The following SEMA6D variants were observed in gnomAD, a reference collection of about 807,000 sequenced individuals.
SEMA6D encodes semaphorin 6D, also known as semaphorin-6D.
Under a neutral mutation model 106.6 loss-of-function variants are expected in SEMA6D, and 35 were observed. That is an observed-to-expected ratio of 0.33 (90% CI 0.25 to 0.44). The LOEUF (loss-of-function observed/expected upper bound fraction) is 0.44. SEMA6D is among the 20% of genes least tolerant of loss of function. The pLI is 1.00. For missense variants in SEMA6D, 1,185 were observed against 1,345.9 expected (o/e 0.88, Z 1.87); for synonymous variants, 499 against 487.7 (o/e 1.02, Z -0.31).
intron 1 of SEMA6D, among the ~76,000 whole-genome samples, chr15:47,221,563 A>G (rs187240679): frequency 1.3e-5 from 2 of 152,330 alleles, no homozygotes; most frequent in Admixed American, 6.5e-5. Flanking sequence ...ATAAATTGTG[A>G]ACTTGTGTAG....
chr15:47,622,161 T>C (rs1199166507), intron 4 of SEMA6D, among the ~76,000 whole-genome samples: 1 of 141,246 alleles, frequency 7.1e-6, no homozygotes, highest in African/African-American at 2.7e-5. Context: ...TTTAAATCAG[T>C]GAGTCTTTTG....
At chr15:47,522,622 G>A (rs1272371194) in intron 3 of SEMA6D, among the ~76,000 whole-genome samples, 1 of 152,152 alleles carries the variant, frequency 6.6e-6, no homozygotes, top group Non-Finnish European at 1.5e-5. Context: ...GGCATGAGTG[G>A]TGGTGCCAAC....
chr15:47,668,670 C>T (rs571088854), intron 4 of SEMA6D, among the ~76,000 whole-genome samples: 23 of 152,264 alleles, frequency 1.5e-4, no homozygotes, highest in African/African-American at 4.8e-4. Flanking sequence ...CCTGACCTAG[C>T]GAATGGTCCT....
intron 4 of SEMA6D, among the ~76,000 whole-genome samples, chr15:47,617,996 A>C (rs2077037146): frequency 6.6e-6 from 1 of 152,142 alleles, no homozygotes; most frequent in Admixed American, 6.5e-5. Flanking sequence ...TTGATTCTCA[A>C]GGTTAATGCA....
chr15:47,541,424 G>T (rs2142219434), intron 3 of SEMA6D, among the ~76,000 whole-genome samples: 1 of 152,276 alleles, frequency 6.6e-6, no homozygotes, highest in East Asian at 1.9e-4. Context: ...GAATCATCCA[G>T]ATTCTCTGTT....
intron 4 of SEMA6D, among the ~76,000 whole-genome samples, chr15:47,694,239 T>C (rs901628572): frequency 6.6e-6 from 1 of 152,102 alleles, no homozygotes; most frequent in African/African-American, 2.4e-5. Flanking sequence ...TTGAAAAACA[T>C]TAATCTAATG....
At chr15:47,559,323 A>G (rs1237620954) in intron 3 of SEMA6D, among the ~76,000 whole-genome samples, 1 of 152,096 alleles carries the variant, frequency 6.6e-6, no homozygotes, top group Non-Finnish European at 1.5e-5. Context: ...ATCATTTAAT[A>G]CTCTCAAAAT....
chr15:47,401,606 T>C, intron 1 of SEMA6D, among the ~76,000 whole-genome samples: 1 of 152,214 alleles, frequency 6.6e-6, no homozygotes, highest in African/African-American at 2.4e-5. Flanking sequence ...TCACCCAACT[T>C]CCCAAAAGTT....
At chr15:47,235,653 T>C (rs1247386762) in intron 1 of SEMA6D, among the ~76,000 whole-genome samples, 1 of 152,134 alleles carries the variant, frequency 6.6e-6, no homozygotes, top group African/African-American at 2.4e-5. Flanking sequence ...ATTTCTGAGC[T>C]CTCTATTCTG....
At chr15:47,391,349 C>A in intron 1 of SEMA6D, among the ~76,000 whole-genome samples, 1 of 152,118 alleles carries the variant, frequency 6.6e-6, no homozygotes, top group Non-Finnish European at 1.5e-5. Context: ...TCAGTTTATA[C>A]CAAGGCTTCA....
intron 1 of SEMA6D, among the ~76,000 whole-genome samples, chr15:47,399,763 C>T (rs1317302324): frequency 6.6e-6 from 1 of 152,154 alleles, no homozygotes; most frequent in African/African-American, 2.4e-5. Context: ...TTATCTCACT[C>T]ATTAAAGTGG....
intron 1 of SEMA6D, among the ~76,000 whole-genome samples, chr15:47,229,010 G>A (rs1033263769): frequency 6.6e-5 from 10 of 151,968 alleles, no homozygotes; most frequent in African/African-American, 1.7e-4. Flanking sequence ...ATGAGAGATC[G>A]TATAATCCCA....
intron 1 of SEMA6D, among the ~76,000 whole-genome samples, chr15:47,308,802 T>C (rs2036329789): frequency 6.6e-6 from 1 of 152,228 alleles, no homozygotes; most frequent in African/African-American, 2.4e-5. Context: ...CTCATCTCTC[T>C]TAGGTTGGAA....
At chr15:47,505,199 T>G (rs950053126) in intron 3 of SEMA6D, among the ~76,000 whole-genome samples, 4 of 152,152 alleles carry the variant, frequency 2.6e-5, no homozygotes, top group Non-Finnish European at 5.9e-5. Context: ...CCTCTTCTAG[T>G]TGGTCCCAGG....
Position 47,339,626 on chromosome 15 carries a change from T to C in SEMA6D, c.-238-72767T>C, listed in dbSNP as rs1227962187. On this transcript the variant is annotated intron_variant, in intron 1 of 19. Transcript: ENST00000558014. ...GCTCAAGCCTGTAATCCCAGCACTT[T>C]GGGAGGCAAGGCAGTCCAGCCCAGG... Among the ~76,000 whole-genome samples the C allele has an allele frequency of 3.9e-5, 6 of 152,282 alleles. 1 individual carries two copies. The South Asian group carries it at 1.2e-3, about 32-fold the overall frequency.
In SEMA6D at chr15:47,771,273, C is replaced by T. The variant is rs774284870; in HGVS notation, c.2710C>T (p.His904Tyr). 2 of 1,614,062 alleles carry T rather than the reference C, an allele frequency of 1.2e-6. No homozygotes were observed. The highest frequency in any genetic ancestry group is 2.2e-5 in the South Asian group (2 of 91,076). The change falls in exon 19 of 19, where the codon CAC (histidine) becomes TAC (tyrosine). Residue 904 changes from histidine to tyrosine, a missense_variant. By Grantham distance (83) the His-to-Tyr change is moderately conservative. Coordinates refer to ENST00000536845, the MANE Select transcript of SEMA6D (RefSeq NM_001358351.3). ...KAIMGDIQMAHQNLMLDPMGS... is the reference protein window; with the variant it reads ...KAIMGDIQMAYQNLMLDPMGS... Reference sequence around the variant, plus strand: ...CATCATGGGAGACATCCAGATGGCACACCAGAACTTAATGCTGGATCCCAT... The same window carrying T: ...CATCATGGGAGACATCCAGATGGCATACCAGAACTTAATGCTGGATCCCAT...
intron 1 of SEMA6D, among the ~76,000 whole-genome samples, chr15:47,723,081 A>C (rs987338048): frequency 3.9e-5 from 6 of 152,148 alleles, no homozygotes; most frequent in African/African-American, 1.4e-4. Context: ...CAGTTTTCTG[A>C]CTTCCTAATA....
intron 4 of SEMA6D, among the ~76,000 whole-genome samples, chr15:47,657,884 G>A (rs920983622): frequency 6.6e-6 from 1 of 150,762 alleles, no homozygotes; most frequent in Admixed American, 6.6e-5. Flanking sequence ...GGGACTACAG[G>A]GACCCCCCAC....
intron 2 of SEMA6D, among the ~76,000 whole-genome samples, chr15:47,462,900 C>T (rs114954199): frequency 0.012 from 1,857 of 152,202 alleles, 33 homozygotes; most frequent in African/African-American, 0.043. Context: ...TTGTCCTAGT[C>T]TGGCTTATAA....
Sources: gnomAD v4.1 joint callset for allele counts (sites outside exome capture counted in the v4.1 genomes callset) on GRCh38, gnomAD v4.1.1 for gene constraint, MANE v1.5 for transcripts, NCBI Gene and HGNC (gene_info 2026-07-23, HGNC 2026-07-21) for gene names.